Variants in RBFOX1 observed in about 807,000 individuals in gnomAD.
The protein encoded by RBFOX1 is RNA binding protein fox-1 homolog 1.
Under a neutral mutation model 57.7 loss-of-function variants are expected in RBFOX1, and 8 were observed. That is an observed-to-expected ratio of 0.14 (90% CI 0.08 to 0.25). The LOEUF (loss-of-function observed/expected upper bound fraction) is 0.25, where lower values mean the gene tolerates loss of function less well. Among genes scored for constraint, RBFOX1 ranks in the 10% least tolerant of loss-of-function variants. The pLI is 1.00. For synonymous variants in RBFOX1, 326 were observed against 222.4 expected (o/e 1.47, Z -4.15); for missense variants, 611 against 548.5 (o/e 1.11, Z -1.14).
chr16:5,905,127 G>T (rs2058424239), intron 4 of RBFOX1, among the ~76,000 whole-genome samples: 1 of 138,018 alleles, frequency 7.2e-6, no homozygotes, highest in Non-Finnish European at 1.5e-5. Context: ...GAGTGCAATG[G>T]TACAATCTTG....
At chr16:7,169,382 G>C (rs966467899) in intron 4 of RBFOX1, among the ~76,000 whole-genome samples, 1 of 152,154 alleles carries the variant, frequency 6.6e-6, no homozygotes, top group Non-Finnish European at 1.5e-5. Context: ...ACTTGTTATG[G>C]GCCAGGGGTT....
At chr16:5,677,300 G>C (rs1357093363) in intron 3 of RBFOX1, among the ~76,000 whole-genome samples, 1 of 152,228 alleles carries the variant, frequency 6.6e-6, no homozygotes, top group Non-Finnish European at 1.5e-5. Flanking sequence ...CAAGTTTCCA[G>C]TGTGAAATCC....
At chr16:6,871,309 C>A (rs1047128450) in intron 3 of RBFOX1, among the ~76,000 whole-genome samples, 1 of 152,178 alleles carries the variant, frequency 6.6e-6, no homozygotes, top group Admixed American at 6.5e-5. Flanking sequence ...CATCAACTTC[C>A]TGAGTAGCTG....
At chr16:6,083,545 C>G (rs551003755) in intron 1 of RBFOX1, among the ~76,000 whole-genome samples, 16 of 152,030 alleles carry the variant, frequency 1.1e-4, no homozygotes, top group Admixed American at 3.9e-4. Context: ...GGCACAGTCA[C>G]AGCTCACTGC....
intron 9 of RBFOX1, among the ~76,000 whole-genome samples, chr16:7,598,609 G>C (rs1351301157): frequency 3.3e-5 from 5 of 152,064 alleles, no homozygotes; most frequent in Non-Finnish European, 1.5e-5. Context: ...CGCTATTACA[G>C]ATTGTTGTCT....
chr16:7,222,735 A>G (rs1241305287), intron 4 of RBFOX1, among the ~76,000 whole-genome samples: 2 of 152,212 alleles, frequency 1.3e-5, no homozygotes, highest in Admixed American at 6.5e-5. Flanking sequence ...TGACACACAT[A>G]TGTATTCTAC....
intron 4 of RBFOX1, among the ~76,000 whole-genome samples, chr16:7,102,316 C>G (rs1274774496): frequency 1.3e-5 from 2 of 152,166 alleles, no homozygotes; most frequent in Admixed American, 6.5e-5. Flanking sequence ...TTCCCTTAGC[C>G]TATATGTGAA....
intron 3 of RBFOX1, among the ~76,000 whole-genome samples, chr16:6,722,254 C>A (rs985355175): frequency 1.2e-4 from 18 of 152,220 alleles, no homozygotes; most frequent in Non-Finnish European, 1.5e-4. Context: ...AACCGTTTTG[C>A]ATTTCCACCC....
chr16:7,706,743 T>C (rs1331055136), intron 14 of RBFOX1, among the ~76,000 whole-genome samples: 1 of 152,134 alleles, frequency 6.6e-6, no homozygotes, highest in Non-Finnish European at 1.5e-5. Context: ...ATAACCCTAT[T>C]AACAGATTTT....
intron 3 of RBFOX1, among the ~76,000 whole-genome samples, chr16:5,742,640 T>C (rs1432808971): frequency 1.3e-5 from 2 of 152,166 alleles, no homozygotes; most frequent in Non-Finnish European, 2.9e-5. Flanking sequence ...CTTTAGGCAA[T>C]TAATGCTCAA....
At chr16:7,302,884 G>A (rs550778120) in intron 4 of RBFOX1, among the ~76,000 whole-genome samples, 3 of 152,172 alleles carry the variant, frequency 2.0e-5, no homozygotes, top group Admixed American at 1.3e-4. Flanking sequence ...AAATAAAGGG[G>A]AGGGGAGACC....
At chr16:7,048,122 G>C (rs1161262998) in intron 3 of RBFOX1, among the ~76,000 whole-genome samples, 1 of 152,004 alleles carries the variant, frequency 6.6e-6, no homozygotes, top group African/African-American at 2.4e-5. Flanking sequence ...CAGGTGATCC[G>C]ACCCGCTTGG....
intron 1 of RBFOX1, among the ~76,000 whole-genome samples, chr16:5,448,249 A>C (rs1315973184): frequency 3.3e-5 from 5 of 152,166 alleles, no homozygotes; most frequent in African/African-American, 1.2e-4. Flanking sequence ...CACCTTCACT[A>C]GACCCACGTA....
At chr16:5,294,919 A>T (rs1224527422) in intron 1 of RBFOX1, among the ~76,000 whole-genome samples, 1 of 149,892 alleles carries the variant, frequency 6.7e-6, no homozygotes, top group East Asian at 2.0e-4. Flanking sequence ...GATCCCAGCT[A>T]CTCAGGAGGC....
At chr16:5,808,427 T>G (rs1033204305) in intron 3 of RBFOX1, among the ~76,000 whole-genome samples, 1 of 152,166 alleles carries the variant, frequency 6.6e-6, no homozygotes, top group Admixed American at 6.5e-5. Flanking sequence ...CATATGAACT[T>G]TAAAGTAGTT....
chr16:5,688,852 G>T (rs762206938), intron 3 of RBFOX1, among the ~76,000 whole-genome samples: 1 of 152,168 alleles, frequency 6.6e-6, no homozygotes, highest in Non-Finnish European at 1.5e-5. Context: ...CTCAACGTTT[G>T]CCAGGACTCT....
intron 2 of RBFOX1, among the ~76,000 whole-genome samples, chr16:6,488,318 C>T (rs149441154): frequency 1.0e-3 from 153 of 152,258 alleles, no homozygotes; most frequent in Middle Eastern, 3.4e-3. Flanking sequence ...TTGTGGTTAG[C>T]TGAATGTGTA....
intron 3 of RBFOX1, among the ~76,000 whole-genome samples, chr16:7,013,522 A>G (rs565954712): frequency 6.6e-6 from 1 of 152,338 alleles, no homozygotes; most frequent in Admixed American, 6.5e-5. Context: ...CAGTCCCCAA[A>G]GCAAAGAATT....
chr16:7,598,908 C>G (rs2094858903), intron 9 of RBFOX1, among the ~76,000 whole-genome samples: 1 of 152,162 alleles, frequency 6.6e-6, no homozygotes, highest in African/African-American at 2.4e-5. Context: ...AATGTATTAT[C>G]ATTTGGTAGT....
Sources: allele counts gnomAD v4.1 joint callset (sites outside exome capture counted in the v4.1 genomes callset), GRCh38; gene constraint gnomAD v4.1.1; transcripts MANE v1.5; gene names NCBI Gene and HGNC (gene_info 2026-07-23, HGNC 2026-07-21).